VKORC1L1: variants seen among roughly 807,000 people sequenced by gnomAD.
The protein encoded by VKORC1L1 is vitamin K epoxide reductase complex subunit 1L1.
A neutral mutation model predicts 18.9 loss-of-function variants in VKORC1L1; 2 were observed. The ratio of observed to expected loss-of-function variants is 0.11; its 90% CI spans 0.04 to 0.33. VKORC1L1 has a LOEUF of 0.33. VKORC1L1 is among the 10% of genes least tolerant of loss of function. The probability of loss-of-function intolerance (pLI) is 1.00; values close to 1 mark genes in which losing one functional copy is unlikely to be tolerated. For synonymous variants in VKORC1L1, 96 were observed against 100.0 expected, an observed-to-expected ratio of 0.96 and a Z score of 0.24; for missense variants, 123 against 224.1, an observed-to-expected ratio of 0.55 and a Z score of 2.88.
chr7:65,927,656 C>G (rs1171800052), intron 1 of VKORC1L1, among the ~76,000 whole-genome samples: 1 of 152,150 alleles, frequency 6.6e-6, no homozygotes, highest in South Asian at 2.1e-4. Flanking sequence ...TGGCTGAGTA[C>G]TGCAGGTTTA....
intron 1 of VKORC1L1, among the ~76,000 whole-genome samples, chr7:65,884,878 A>AT (rs1788987353): frequency 6.6e-6 from 1 of 152,194 alleles, no homozygotes; most frequent in Non-Finnish European, 1.5e-5. Context: ...ACCTTGTTTG[A>AT]TAATGAGGTT....
At chr7:65,871,821 G>T (rs1788729748), upstream of VKORC1L1, among the ~76,000 whole-genome samples, 2 of 151,918 alleles carry the variant, frequency 1.3e-5, no homozygotes, top group South Asian at 4.1e-4. Flanking sequence ...GAGAGCCTGA[G>T]CCAGAGGACA....
At chr7:65,879,369 T>TAG (rs1414736463) in intron 1 of VKORC1L1, among the ~76,000 whole-genome samples, 1 of 152,154 alleles carries the variant, frequency 6.6e-6, no homozygotes, top group Non-Finnish European at 1.5e-5. Context: ...CCAAGAGGAA[T>TAG]AGAGAAATAT....
intron 1 of VKORC1L1, 61 bp from the exon 2 acceptor site, chr7:65,948,610 G>T (rs1427218474): frequency 1.7e-6 from 1 of 597,530 alleles, no homozygotes; most frequent in Admixed American, 4.0e-5. Flanking sequence ...CTCAAATAAT[G>T]ATACATTTTT....
chr7:65,910,846 C>A (rs1204064388), intron 1 of VKORC1L1, among the ~76,000 whole-genome samples: 1 of 152,154 alleles, frequency 6.6e-6, no homozygotes, highest in Non-Finnish European at 1.5e-5. Flanking sequence ...GCATGTAAAA[C>A]ATTTATGGAT....
chr7:65,868,144 G>C (rs1365542663), upstream of VKORC1L1, among the ~76,000 whole-genome samples: 1 of 152,094 alleles, frequency 6.6e-6, no homozygotes, highest in East Asian at 1.9e-4. Context: ...ACCACACCTA[G>C]CACATGCTAT....
intron 1 of VKORC1L1, among the ~76,000 whole-genome samples, chr7:65,901,811 C>T (rs1262990199): frequency 6.6e-6 from 1 of 152,106 alleles, no homozygotes; most frequent in African/African-American, 2.4e-5. Flanking sequence ...AGGAGAACAC[C>T]TGAGGCCAGA....
At position 65,909,690 on chromosome 7, in the gene VKORC1L1, T is replaced by TGTGTGTG. The variant is rs1789468369; in HGVS notation, c.194+36125_194+36126insGTGTGTG. Reference sequence around the variant, plus strand: ...AAGCTTCTAACTTTTGTTTTAGCCTTTGTGTGTGTGTGTGTGTGTGTGTGT... The same window carrying TGTGTGTG: ...AAGCTTCTAACTTTTGTTTTAGCCTTGTGTGTGTGTGTGTGTGTGTGTGTGTGTGTGT... On this transcript the variant is annotated intron_variant, in intron 1 of 2. Coordinates refer to ENST00000360768, the MANE Select transcript of VKORC1L1 (RefSeq NM_173517.6). Among the ~76,000 whole-genome samples the TGTGTGTG allele has an allele frequency of 3.8e-3, 468 of 123,834 alleles. 2 individuals carry two copies. Among genetic ancestry groups the TGTGTGTG allele is most frequent in the African/African-American group, 0.013 (404 of 31,736 alleles). 81.2% of individuals were successfully genotyped at this position (123,834 alleles called of 152,430 possible). A position where few individuals can be genotyped will look rare whatever the true frequency, so the allele number is the denominator to read the frequency against.
intron 1 of VKORC1L1, among the ~76,000 whole-genome samples, chr7:65,943,867 G>C (rs1454928078): frequency 1.3e-5 from 2 of 152,098 alleles, no homozygotes; most frequent in African/African-American, 4.8e-5. Context: ...ATATTCTTAA[G>C]GTGGTAAAAG....
chr7:65,943,432 A>T (rs1790068617), intron 1 of VKORC1L1, among the ~76,000 whole-genome samples: 1 of 152,206 alleles, frequency 6.6e-6, no homozygotes, highest in African/African-American at 2.4e-5. Flanking sequence ...CTGTAATAAC[A>T]TTAAAAATAA....
At chr7:65,902,727 A>G (rs974860827) in intron 1 of VKORC1L1, among the ~76,000 whole-genome samples, 1 of 152,210 alleles carries the variant, frequency 6.6e-6, no homozygotes, top group African/African-American at 2.4e-5. Flanking sequence ...CATTATAAAG[A>G]GAAAATCTTG....
intron 1 of VKORC1L1, among the ~76,000 whole-genome samples, chr7:65,882,885 T>C (rs1029970247): frequency 3.3e-5 from 5 of 152,214 alleles, no homozygotes; most frequent in Non-Finnish European, 7.3e-5. Flanking sequence ...TGTTTTACTT[T>C]TAAAACTTCT....
chr7:65,932,459 A>G (rs1384867246), intron 1 of VKORC1L1, among the ~76,000 whole-genome samples: 4 of 152,196 alleles, frequency 2.6e-5, no homozygotes, highest in African/African-American at 9.7e-5. Flanking sequence ...TTCCTTTCTA[A>G]TATAAGCATT....
intron 1 of VKORC1L1, among the ~76,000 whole-genome samples, chr7:65,889,247 AC>A (rs1789069749): frequency 6.6e-6 from 1 of 151,944 alleles, no homozygotes; most frequent in South Asian, 2.1e-4. Context: ...TTTTATCTCT[AC>A]CCCAACCTCT....
chr7:65,901,954 G>A (rs777035150), intron 1 of VKORC1L1, among the ~76,000 whole-genome samples: 8 of 152,106 alleles, frequency 5.3e-5, no homozygotes, highest in Non-Finnish European at 1.0e-4. Flanking sequence ...GGCTAAATTC[G>A]CCCTAATTTA....
At chr7:65,893,340 G>T (rs1244431930) in intron 1 of VKORC1L1, among the ~76,000 whole-genome samples, 1 of 152,136 alleles carries the variant, frequency 6.6e-6, no homozygotes. Flanking sequence ...TTAGGAGTTC[G>T]AGACCAGCCT....
intron 1 of VKORC1L1, among the ~76,000 whole-genome samples, chr7:65,879,041 G>A (rs1213298471): frequency 4.0e-5 from 6 of 151,878 alleles, no homozygotes; most frequent in South Asian, 2.1e-4. Context: ...TCAGTAGACC[G>A]CTGTGAAACT....
At chr7:65,888,809 G>A (rs1789057652) in intron 1 of VKORC1L1, among the ~76,000 whole-genome samples, 1 of 152,178 alleles carries the variant, frequency 6.6e-6, no homozygotes, top group South Asian at 2.1e-4. Context: ...TTAGGAGAAA[G>A]AAGAGCTCAG....
At chr7:65,892,465 G>A (rs181383752) in intron 1 of VKORC1L1, among the ~76,000 whole-genome samples, 33 of 152,240 alleles carry the variant, frequency 2.2e-4, no homozygotes, top group Admixed American at 1.9e-3. Flanking sequence ...GGAGTGAGAC[G>A]ATATCTCATT....
Sources: allele counts gnomAD v4.1 joint callset (sites outside exome capture counted in the v4.1 genomes callset), GRCh38; gene constraint gnomAD v4.1.1; transcripts MANE v1.5; gene names NCBI Gene and HGNC (gene_info 2026-07-23, HGNC 2026-07-21).